Variants in DLGAP2 observed in about 807,000 individuals in gnomAD.
DLGAP2 encodes disks large-associated protein 2.
DLGAP2 carries 26 observed loss-of-function variants against 100.3 expected under a neutral mutation model. That is an observed-to-expected ratio of 0.26 (90% CI 0.19 to 0.36). DLGAP2 has a LOEUF of 0.36. DLGAP2 is among the 10% of genes least tolerant of loss of function. The pLI, the probability that DLGAP2 is intolerant of heterozygous loss-of-function variation, is 1.00. For missense variants in DLGAP2, 1,858 were observed against 1,453.2 expected, an observed-to-expected ratio of 1.28 and a Z score of -4.53; for synonymous variants, 886 against 630.1, an observed-to-expected ratio of 1.41 and a Z score of -6.08.
intron 3 of DLGAP2, among the ~76,000 whole-genome samples, chr8:1,267,560 A>AAATAAAATAAT (rs1250783082): frequency 0.024 from 1,275 of 54,092 alleles, 292 homozygotes; most frequent in Non-Finnish European, 0.035. Flanking sequence ...TTCCCGCTCA[A>AAATAAAATAAT]AATAAAATAA....
chr8:963,214 A>T (rs1799768514), intron 2 of DLGAP2, among the ~76,000 whole-genome samples: 1 of 151,702 alleles, frequency 6.6e-6, no homozygotes, highest in Non-Finnish European at 1.5e-5. Flanking sequence ...CAGGGAGCAG[A>T]GGTGGATGTA....
At chr8:1,384,181 C>T (rs1796159985) in intron 3 of DLGAP2, among the ~76,000 whole-genome samples, 1 of 152,274 alleles carries the variant, frequency 6.6e-6, no homozygotes, top group South Asian at 2.1e-4. Flanking sequence ...CCAAAGGATT[C>T]ATAAAAGTTA....
intron 3 of DLGAP2, among the ~76,000 whole-genome samples, chr8:1,430,027 T>TATATATATATATATATATATATATATAC (rs1282725274): frequency 4.2e-4 from 32 of 76,866 alleles, no homozygotes; most frequent in Non-Finnish European, 6.0e-4. Flanking sequence ...TATATATATA[T>TATATATATATATATATATATATATATAC]ACACACACAC....
intron 3 of DLGAP2, among the ~76,000 whole-genome samples, chr8:1,347,819 A>C (rs1045390833): frequency 1.4e-5 from 2 of 144,760 alleles, no homozygotes; most frequent in Non-Finnish European, 3.0e-5. Context: ...GCTACATTGC[A>C]CTCATGTTAG....
At chr8:937,623 T>A (rs1799101350) in intron 2 of DLGAP2, among the ~76,000 whole-genome samples, 1 of 152,118 alleles carries the variant, frequency 6.6e-6, no homozygotes, top group African/African-American at 2.4e-5. Flanking sequence ...CTGGAGGAAA[T>A]GCTGGAGAGA....
chr8:1,165,128 GAGAGAGAGGAAGAC>G (rs1796989104), intron 2 of DLGAP2, among the ~76,000 whole-genome samples: 2 of 143,136 alleles, frequency 1.4e-5, no homozygotes, highest in Admixed American at 1.4e-4. Context: ...CTGCCAGATA[GAGAGAGAGGAAGAC>G]AGAGAGGGGG....
intron 1 of DLGAP2, among the ~76,000 whole-genome samples, chr8:823,255 G>T (rs1796622121): frequency 6.6e-6 from 1 of 152,082 alleles, no homozygotes; most frequent in African/African-American, 2.4e-5. Flanking sequence ...TCTTGTTCTG[G>T]CATTTCGGGA....
intron 2 of DLGAP2, among the ~76,000 whole-genome samples, chr8:1,026,902 A>G (rs1045713062): frequency 1.3e-5 from 2 of 152,262 alleles, no homozygotes; most frequent in Non-Finnish European, 2.9e-5. Flanking sequence ...TCTAAAGGTT[A>G]TCGCTAAACA....
chr8:1,637,164 C>A (rs1053766714), intron 8 of DLGAP2, among the ~76,000 whole-genome samples: 4 of 152,196 alleles, frequency 2.6e-5, no homozygotes, highest in East Asian at 1.9e-4. Context: ...CCGGGCCCTT[C>A]ACCCTCCTAT....
At position 747,734 on chromosome 8, in the gene DLGAP2, TG is replaced by T. The variant is rs200041189; in HGVS notation, c.18+9916del. Among the ~76,000 whole-genome samples, 46 of 18,206 alleles carry T rather than the reference TG, an allele frequency of 2.5e-3. 1 individual carries two copies. Among genetic ancestry groups the T allele is most frequent in the East Asian group, 3.4e-3 (3 of 888 alleles). 11.9% of individuals were successfully genotyped at this position (18,206 alleles called of 152,430 possible). A position where few individuals can be genotyped will look rare whatever the true frequency, so the allele number is the denominator to read the frequency against. On this transcript the variant is annotated intron_variant, in intron 1 of 14. Transcript: ENST00000637795. ...TGGAATGAACGTGTCTGCGGTGGGA[TG>T]GGGGGGCTCTGCGGTGGGATGGGGG... is the stretch of plus-strand genomic sequence containing the variant.
At chr8:1,232,112 G>C (rs1798548010) in intron 2 of DLGAP2, among the ~76,000 whole-genome samples, 1 of 152,220 alleles carries the variant, frequency 6.6e-6, no homozygotes, top group African/African-American at 2.4e-5. Context: ...GGCCTGGGAT[G>C]GTTATTTGAG....
intron 2 of DLGAP2, among the ~76,000 whole-genome samples, chr8:1,033,165 C>G (rs1024169719): frequency 1.3e-5 from 2 of 152,072 alleles, no homozygotes; most frequent in African/African-American, 4.8e-5. Context: ...TCTGCACAGA[C>G]AGATGCATGC....
intron 3 of DLGAP2, among the ~76,000 whole-genome samples, chr8:1,303,353 C>T (rs144644327): frequency 1.3e-5 from 2 of 148,450 alleles, no homozygotes; most frequent in Admixed American, 6.7e-5. Flanking sequence ...GCCGAGATCG[C>T]GCCACCGCAC....
intron 2 of DLGAP2, among the ~76,000 whole-genome samples, chr8:1,183,183 G>C (rs933270561): frequency 3.9e-5 from 6 of 152,148 alleles, no homozygotes; most frequent in African/African-American, 1.2e-4. Context: ...CCAGGATCTA[G>C]GATGGAGCCG....
At chr8:1,227,147 CTG>C (rs1471385014) in intron 2 of DLGAP2, among the ~76,000 whole-genome samples, 11 of 49,300 alleles carry the variant, frequency 2.2e-4, no homozygotes, top group Admixed American at 7.4e-4. Context: ...GGTAAGGAAA[CTG>C]TGAGATATAT....
At chr8:1,281,297 G>A (rs148335899) in intron 3 of DLGAP2, among the ~76,000 whole-genome samples, 6 of 152,288 alleles carry the variant, frequency 3.9e-5, no homozygotes, top group East Asian at 1.9e-4. Flanking sequence ...TGTGAGAAAC[G>A]GGGGATGGTG....
At chr8:985,409 C>T (rs1800457639) in intron 2 of DLGAP2, among the ~76,000 whole-genome samples, 1 of 152,200 alleles carries the variant, frequency 6.6e-6, no homozygotes, top group Admixed American at 6.5e-5. Flanking sequence ...AAACAAGGGC[C>T]ATGACAACCA....
chr8:785,360 C>A (rs993995888), intron 1 of DLGAP2, among the ~76,000 whole-genome samples: 1 of 151,890 alleles, frequency 6.6e-6, no homozygotes, highest in Non-Finnish European at 1.5e-5. Flanking sequence ...TGAGGCAGGC[C>A]GGGCCCCTGC....
chr8:1,271,840 A>G (rs1799589766), intron 3 of DLGAP2, among the ~76,000 whole-genome samples: 1 of 152,032 alleles, frequency 6.6e-6, no homozygotes. Flanking sequence ...TAAGAGACAG[A>G]CTCTTGTTCT....
Sources: allele counts gnomAD v4.1 joint callset (sites outside exome capture counted in the v4.1 genomes callset), GRCh38; gene constraint gnomAD v4.1.1; transcripts MANE v1.5; gene names NCBI Gene and HGNC (gene_info 2026-07-23, HGNC 2026-07-21).